Variants in SCN9A observed in about 807,000 individuals in gnomAD.
SCN9A encodes sodium channel protein type 9 subunit alpha.
Under a neutral mutation model 187.0 loss-of-function variants are expected in SCN9A, and 131 were observed. The observed-to-expected ratio is 0.70, with a 90% CI of 0.61 to 0.81. SCN9A has a LOEUF of 0.81. Ranked by LOEUF, SCN9A falls within the 30% of genes least tolerant of loss-of-function variation. The probability of loss-of-function intolerance (pLI) is 0.00; values close to 1 mark genes in which losing one functional copy is unlikely to be tolerated. For synonymous variants in SCN9A, 809 were observed against 808.6 expected, an observed-to-expected ratio of 1.00 and a Z score of -0.01; for missense variants, 2,252 against 2,396.6, an observed-to-expected ratio of 0.94 and a Z score of 1.26.
intron 24 of SCN9A, among the ~76,000 whole-genome samples, chr2:166,223,360 G>T (rs898322471): frequency 1.3e-5 from 2 of 152,148 alleles, no homozygotes; most frequent in African/African-American, 2.4e-5. Flanking sequence ...ACCTGCATGT[G>T]CGTGTGCACG....
chr2:166,275,028 T>C (rs1369100813), intron 16 of SCN9A, among the ~76,000 whole-genome samples: 1 of 152,146 alleles, frequency 6.6e-6, no homozygotes, highest in Non-Finnish European at 1.5e-5. Flanking sequence ...CCATGGGTAA[T>C]TGGTTTTGGT....
chr2:166,273,646 G>A (rs1330597121), intron 16 of SCN9A, among the ~76,000 whole-genome samples: 3 of 147,458 alleles, frequency 2.0e-5, no homozygotes, highest in Non-Finnish European at 4.4e-5. Context: ...TAGAAGTGCA[G>A]GTCAACTCCA....
intron 17 of SCN9A, among the ~76,000 whole-genome samples, chr2:166,252,811 C>A (rs1696105048): frequency 6.6e-6 from 1 of 151,730 alleles, no homozygotes; most frequent in Non-Finnish European, 1.5e-5. Context: ...AAAATACATA[C>A]AGCAACTGTA....
intron 17 of SCN9A, among the ~76,000 whole-genome samples, chr2:166,266,318 G>T (rs78525339): frequency 0.02 from 2,991 of 151,940 alleles, 102 homozygotes; most frequent in African/African-American, 0.069. Context: ...TACTAAAGAG[G>T]CTGTCCTTTC....
intron 2 of SCN9A, among the ~76,000 whole-genome samples, chr2:166,310,740 T>C (rs1698915126): frequency 8.4e-6 from 1 of 118,960 alleles, no homozygotes; most frequent in African/African-American, 3.6e-5. Flanking sequence ...AGCCATCCCA[T>C]TACTGGGTAT....
intron 1 of SCN9A, among the ~76,000 whole-genome samples, chr2:166,370,529 C>A (rs1320103670): frequency 6.8e-6 from 1 of 147,692 alleles, no homozygotes; most frequent in Non-Finnish European, 1.5e-5. Flanking sequence ...GGCGACAGAG[C>A]GAGACTCCGT....
intron 1 of SCN9A, among the ~76,000 whole-genome samples, chr2:166,357,790 A>C (rs1278511628): frequency 6.6e-6 from 1 of 152,128 alleles, no homozygotes; most frequent in Non-Finnish European, 1.5e-5. Flanking sequence ...CATCGAATAA[A>C]GCTTGCATTG....
At chr2:166,375,610 G>C (rs1574980142) in intron 1 of SCN9A, 87 bp downstream of exon 1, 1 of 152,446 alleles carries the variant, frequency 6.6e-6, no homozygotes, top group Non-Finnish European at 1.5e-5. Flanking sequence ...AGACACAGGT[G>C]GGTGTGGCGG....
chr2:166,308,551 T>C (rs1559032238), intron 2 of SCN9A, among the ~76,000 whole-genome samples: 1 of 152,158 alleles, frequency 6.6e-6, no homozygotes, highest in Non-Finnish European at 1.5e-5. Context: ...TCCCCTGCCA[T>C]TCAGAACAGT....
intron 24 of SCN9A, among the ~76,000 whole-genome samples, chr2:166,220,171 A>G (rs1345016516): frequency 7.2e-5 from 11 of 152,232 alleles, no homozygotes; most frequent in Admixed American, 5.9e-4. Flanking sequence ...TAAAAATCAC[A>G]TGATCATCAG....
Position 166,204,570 on chromosome 2 carries a change from T to C in SCN9A, c.4399-106A>G, listed in dbSNP as rs971254832. 2.3e-5 allele frequency: 14 copies of C among 617,780 alleles called. No individual in the cohort carries two copies. In the Admixed American group the frequency reaches 2.4e-4, roughly 10 times the overall value. The allele number at this position is 617,780 out of a possible 1,614,324, so 38.3% of individuals were successfully genotyped here. A position where few individuals can be genotyped will look rare whatever the true frequency, so the allele number is the denominator to read the frequency against. ...AAAATGTGTTAATATAGAAATAAAA[T>C]GTATTTTATTATGTTCATGATAGCT... On this transcript the variant is annotated intron_variant, in intron 24 of 26. Transcript: ENST00000642356.
At chr2:166,243,918 A>G (rs1695674870) in intron 18 of SCN9A, among the ~76,000 whole-genome samples, 1 of 152,096 alleles carries the variant, frequency 6.6e-6, no homozygotes, top group African/African-American at 2.4e-5. Flanking sequence ...ATTCTGGTCC[A>G]GTATCCTGTC....
chr2:166,345,525 C>CA lies in SCN9A; in HGVS notation c.-51+30171dup, dbSNP rs1371231255. 3.5e-5 allele frequency among the ~76,000 whole-genome samples: 5 copies of CA among 141,400 alleles called. 1 individual carries two copies. The highest frequency in any genetic ancestry group is 8.6e-5 in the African/African-American group (3 of 34,906). The allele number at this position is 141,400 out of a possible 152,430, so 92.8% of individuals were successfully genotyped here. A position where few individuals can be genotyped will look rare whatever the true frequency, so the allele number is the denominator to read the frequency against. On this transcript the variant is annotated intron_variant, in intron 1 of 26. Coordinates refer to ENST00000642356, the MANE Select transcript of SCN9A (RefSeq NM_001365536.1). The stretch of plus-strand genomic sequence containing the variant: ...TCAGTATGCTCTTGAAAAAAAGTAA[C>CA]AAAAAAAAGTAGGGAAAAGGGGTTT...
At position 166,197,860 on chromosome 2, in the gene SCN9A, C is replaced by G. The variant is rs536076071; in HGVS notation, c.*812G>C. 1 of 151,902 alleles carries G rather than the reference C, an allele frequency of 6.6e-6. No individual in the cohort carries two copies. Among genetic ancestry groups the G allele is most frequent in the East Asian group, 1.9e-4 (1 of 5,180 alleles). The allele number at this position is 151,902 out of a possible 1,614,324, so 9.4% of individuals were successfully genotyped here. On this transcript the variant is annotated 3_prime_UTR_variant, in exon 27 of 27. Coordinates refer to ENST00000642356, the MANE Select transcript of SCN9A (RefSeq NM_001365536.1). ...TAGAACTTCTGTCAATAACTTTTTTCTCAGTTATCTTTGTTTTTTTTGAGG... is the reference window on the plus strand; with the variant it reads ...TAGAACTTCTGTCAATAACTTTTTTGTCAGTTATCTTTGTTTTTTTTGAGG...
chr2:166,259,526 C>T (rs140259343), intron 17 of SCN9A, among the ~76,000 whole-genome samples: 1 of 151,822 alleles, frequency 6.6e-6, no homozygotes. Flanking sequence ...TTCTACTCTA[C>T]TATTTAAAAA....
At chr2:166,361,330 C>G (rs147057677) in intron 1 of SCN9A, among the ~76,000 whole-genome samples, 46 of 152,154 alleles carry the variant, frequency 3.0e-4, no homozygotes, top group Admixed American at 1.3e-3. Flanking sequence ...TTTTGTATTG[C>G]ATATACAAAA....
At chr2:166,298,645 C>T (rs1370506255) in intron 7 of SCN9A, 1 of 152,194 alleles carries the variant, frequency 6.6e-6, no homozygotes. Flanking sequence ...TGCCTTAGCA[C>T]TTTCTCATGA....
Position 166,306,863 on chromosome 2 carries a change from C to A in SCN9A, c.377+93G>T, listed in dbSNP as rs4443015. 462,562 of 710,360 alleles carry A rather than the reference C, an allele frequency of 0.65. 153,012 individuals are homozygous for A. Among genetic ancestry groups the A allele is most frequent in the African/African-American group, 0.84 (46,389 of 55,432 alleles). 44.0% of individuals were successfully genotyped at this position (710,360 alleles called of 1,614,324 possible). Reference sequence around the variant, plus strand: ...TTAATAAACTAAAACCAGAGTCTTTCAAGGTGCAAAAGGTATAACATCTAT... The same window carrying A: ...TTAATAAACTAAAACCAGAGTCTTTAAAGGTGCAAAAGGTATAACATCTAT... On this transcript the variant is annotated intron_variant, in intron 3 of 26. Transcript: ENST00000642356.
At chr2:166,240,410 T>A (rs1425505027) in intron 19 of SCN9A, among the ~76,000 whole-genome samples, 1 of 152,224 alleles carries the variant, frequency 6.6e-6, no homozygotes, top group African/African-American at 2.4e-5. Context: ...TCTTGAAATA[T>A]CTTTCCCTTT....
Sources: gnomAD v4.1 joint callset for allele counts (sites outside exome capture counted in the v4.1 genomes callset) on GRCh38, gnomAD v4.1.1 for gene constraint, MANE v1.5 for transcripts, NCBI Gene and HGNC (gene_info 2026-07-23, HGNC 2026-07-21) for gene names.